Variants in RPL3L observed in about 807,000 individuals in gnomAD.
RPL3L encodes the protein ribosomal protein L3 like.
A neutral mutation model predicts 44.5 loss-of-function variants in RPL3L; 44 were observed. The observed-to-expected ratio is 0.99, with a 90% CI of 0.78 to 1.27. The LOEUF is 1.27. Among genes scored for constraint, RPL3L ranks in the 50% most tolerant of loss-of-function variants. RPL3L has a pLI of 0.00. For missense variants in RPL3L, 631 were observed against 569.1 expected (o/e 1.11, Z -1.11); for synonymous variants, 292 against 230.7 (o/e 1.27, Z -2.41).
At chr16:1,945,404 A>AG in intron 9 of RPL3L, 95 bp downstream of exon 9, 1 of 1,408,324 alleles carries the variant, frequency 7.1e-7, no homozygotes, top group Non-Finnish European at 9.5e-7. Context: ...AGTTGAGCTC[A>AG]GGGGAGTCCC....
rs2531335 is a variant in RPL3L at position 1,948,038 on chromosome 16, C to A, written c.502-658G>T. ...CTGCAAGCTCTGCCTCCCGGGTTCA[C>A]GCCATTCCCCTGCCTCAGCCTCCTG... On this transcript the variant is annotated intron_variant, in intron 4 of 9. Coordinates refer to ENST00000268661, the MANE Select transcript of RPL3L (RefSeq NM_005061.3). Among the ~76,000 whole-genome samples, 119 of 148,450 alleles carry A rather than the reference C, an allele frequency of 8.0e-4. No individual in the cohort carries two copies. In the Middle Eastern group the frequency reaches 0.023, roughly 28 times the overall value.
At chr16:1,950,249 G>T (rs2083163144) in intron 4 of RPL3L, among the ~76,000 whole-genome samples, 1 of 152,016 alleles carries the variant, frequency 6.6e-6, no homozygotes, top group Non-Finnish European at 1.5e-5. Context: ...CTTGGTGGCA[G>T]CTGTGGCCCC....
intron 9 of RPL3L, among the ~76,000 whole-genome samples, chr16:1,945,126 C>T (rs544139010): frequency 1.3e-5 from 2 of 152,014 alleles, no homozygotes; most frequent in African/African-American, 4.8e-5. Flanking sequence ...GAGGCCGAGG[C>T]GGTCGGATCA....
chr16:1,949,590 G>T, intron 4 of RPL3L, among the ~76,000 whole-genome samples: 1 of 144,532 alleles, frequency 6.9e-6, no homozygotes. Flanking sequence ...GTCTCTGGCT[G>T]GTGCTGTGTG....
Position 1,947,272 on chromosome 16 carries a change from G to A in RPL3L, c.610C>T (p.Gln204Ter), listed in dbSNP as rs1479833309. ...CTGAACACGCTGTGCACGGGCACCT[G>A]CTTCTCCAGCCGGGCCTGGGCCCAG... is the stretch of plus-strand genomic sequence containing the variant. The part of the protein sequence containing the change: ...VAWAQARLEK[Q>*]VPVHSVFSQS... Residue 204 changes from glutamine to a stop codon, truncating the protein, a stop_gained, in exon 5 of 10, where the codon CAG becomes TAG. Transcript: ENST00000268661. LOFTEE classifies it high-confidence loss of function. 3 of 1,613,396 alleles carry A rather than the reference G, an allele frequency of 1.9e-6. No individual in the cohort carries two copies. The highest frequency in any genetic ancestry group is 2.7e-5 in the African/African-American group (2 of 75,068).
At position 1,949,203 on chromosome 16, in the gene RPL3L, A is replaced by G. The variant is rs866817075; in HGVS notation, c.501+1641T>C. The stretch of plus-strand genomic sequence containing the variant: ...CCGGGCTGCCACCTTGTCCTCCCAC[A>G]GTGCTAGGATCACTGGTGTAAGCCA... On this transcript the variant is annotated intron_variant, in intron 4 of 9. Coordinates refer to ENST00000268661, the MANE Select transcript of RPL3L (RefSeq NM_005061.3). Among the ~76,000 whole-genome samples, 20 of 142,756 alleles carry G rather than the reference A, an allele frequency of 1.4e-4. No homozygotes were observed. In the South Asian group the frequency reaches 4.4e-3, roughly 31 times the overall value. 93.7% of individuals were successfully genotyped at this position (142,756 alleles called of 152,430 possible). A position where few individuals can be genotyped will look rare whatever the true frequency, so the allele number is the denominator to read the frequency against.
At chr16:1,945,012 C>T in intron 9 of RPL3L, 119 bp from the exon 10 acceptor site, 1 of 1,240,058 alleles carries the variant, frequency 8.1e-7, no homozygotes, top group Non-Finnish European at 1.2e-6. Flanking sequence ...GCTGCTTCCT[C>T]CCCCACCTTC....
chr16:1,949,829 C>T (rs561893314), intron 4 of RPL3L, among the ~76,000 whole-genome samples: 3 of 18,420 alleles, frequency 1.6e-4, no homozygotes, highest in Non-Finnish European at 2.3e-4. Flanking sequence ...ATGGACGGGG[C>T]AGGTATGGAC....
chr16:1,954,652 C>T lies in RPL3L; in HGVS notation c.-21G>A. 6.5e-7 allele frequency: 1 copy of T among 1,545,238 alleles called. No individual in the cohort carries two copies. On this transcript the variant is annotated 5_prime_UTR_variant, in exon 1 of 10. Coordinates refer to ENST00000268661, the MANE Select transcript of RPL3L (RefSeq NM_005061.3). ...ACCATGGTGGCCGATCCCTGAAGGTCAGGAAGGGGCCTCGCCGCTAGCCGC... is the reference window on the plus strand; with the variant it reads ...ACCATGGTGGCCGATCCCTGAAGGTTAGGAAGGGGCCTCGCCGCTAGCCGC...
chr16:1,949,259 CTTTTTT>C (rs58248501), intron 4 of RPL3L, among the ~76,000 whole-genome samples: 1 of 75,236 alleles, frequency 1.3e-5, no homozygotes, highest in African/African-American at 4.8e-5. Flanking sequence ...TTTTTTTTTT[CTTTTTT>C]TTTTTTTTTT....
In RPL3L at chr16:1,947,096, C is replaced by A. The variant is rs1157241329; in HGVS notation, c.691G>T (p.Val231Phe). ...AVTKGRGVKG[V>F]TSRWHTKKLP... ...TTCTTGGTATGCCAGCGGCTTGTGACCCCTGTGAGTGAGAGGGGCTGGTGG... is the reference window on the plus strand; with the variant it reads ...TTCTTGGTATGCCAGCGGCTTGTGAACCCTGTGAGTGAGAGGGGCTGGTGG... The change falls in exon 6 of 10, where the codon GTC becomes TTC. Residue 231 changes from valine (V) to phenylalanine (F), a missense_variant and splice_region_variant. Coordinates refer to ENST00000268661, the MANE Select transcript of RPL3L (RefSeq NM_005061.3). 2 of 1,613,412 alleles carry A rather than the reference C, an allele frequency of 1.2e-6. No homozygotes were observed. Among genetic ancestry groups the A allele is most frequent in the South Asian group, 1.1e-5 (1 of 91,090 alleles).
chr16:1,951,735 T>A (rs1354921179), intron 3 of RPL3L, among the ~76,000 whole-genome samples: 4 of 144,280 alleles, frequency 2.8e-5, no homozygotes, highest in African/African-American at 1.0e-4. Flanking sequence ...ACATTATTAT[T>A]ATTATTATTA....
intron 2 of RPL3L, 38 bp downstream of exon 2, chr16:1,953,918 G>GCCCTCC (rs765513550): frequency 3.4e-6 from 5 of 1,463,190 alleles, no homozygotes; most frequent in Non-Finnish European, 4.5e-6. Context: ...GGAAGGTTCA[G>GCCCTCC]CCCTCCCCCT....
chr16:1,946,784 T>C (rs1271676082), intron 6 of RPL3L, 58 bp from the exon 7 acceptor site: 35 of 1,597,904 alleles, frequency 2.2e-5, no homozygotes, highest in Non-Finnish European at 2.6e-5. Context: ...CAGCAGCCCA[T>C]CCAGGCCCAT....
At position 1,947,265 on chromosome 16, in the gene RPL3L, G is replaced by A. The variant is rs760362853; in HGVS notation, c.617C>T (p.Pro206Leu). 81 of 1,613,430 alleles carry A rather than the reference G, an allele frequency of 5.0e-5. 1 individual carries two copies. The highest frequency in any genetic ancestry group is 4.9e-4 in the Middle Eastern group (3 of 6,082). Residue 206 changes from proline to leucine, a missense_variant, in exon 5 of 10, where the codon CCC (proline) becomes CTC (leucine). Transcript: ENST00000268661. ...WAQARLEKQV[P>L]VHSVFSQSEV... ...ACTCTGGCTGAACACGCTGTGCACG[G>A]GCACCTGCTTCTCCAGCCGGGCCTG...
rs372534523 is a variant in RPL3L, at chr16:1,954,054, G to A, written c.98C>T (p.Pro33Leu). The change falls in exon 2 of 10, where the codon CCG (proline) becomes CTG (leucine). Residue 33 changes from proline to leucine, a missense_variant. Transcript: ENST00000268661. ...HRHRGKVKTW[P>L]RDDPSQPVHL... ...CACGGGCTGGCTGGGGTCATCCCGC[G>A]GCCACGTCTTCACCTTGCCCCGGTG... 236 of 1,606,904 alleles carry A rather than the reference G, an allele frequency of 1.5e-4. No homozygotes were observed. Among genetic ancestry groups the A allele is most frequent in the South Asian group, 3.1e-4 (28 of 89,764 alleles).
rs763590053 is a variant in RPL3L, at chr16:1,946,657, A to T, written c.919T>A (p.Tyr307Asn). The T allele has an allele frequency of 6.2e-7, 1 of 1,612,834 alleles. No individual in the cohort carries two copies. Among genetic ancestry groups the T allele is most frequent in the East Asian group, 2.2e-5 (1 of 44,884 alleles). The change falls in exon 7 of 10, where the codon TAC becomes AAC. Residue 307 changes from tyrosine (Y) to asparagine (N), a missense_variant. Tyr to Asn is a moderately radical substitution (Grantham distance 143). Transcript: ENST00000268661. ...KLVKNNASTS[Y>N]DVTAKSITPL... ...GTGATGGACTTGGCAGTCACGTCGTAGCTGGTGGATGCATTGTTCTTCACC... is the reference window on the plus strand; with the variant it reads ...GTGATGGACTTGGCAGTCACGTCGTTGCTGGTGGATGCATTGTTCTTCACC...
chr16:1,947,041 C>G lies in RPL3L; in HGVS notation c.746G>C (p.Arg249Pro), dbSNP rs149043671. Residue 249 changes from arginine (R) to proline (P), a missense_variant, in exon 6 of 10, where the codon CGC becomes CCC. Physicochemically the swap from Arg to Pro is moderately radical, Grantham distance 103. Transcript: ENST00000268661. ...KLPRKTHKGL[R>P]KVACIGAWHP... ...CCAGGCGCCAATGCAGGCCACCTTGCGCAGGCCCTTATGGGTCTTCCGCGG... is the reference window on the plus strand; with the variant it reads ...CCAGGCGCCAATGCAGGCCACCTTGGGCAGGCCCTTATGGGTCTTCCGCGG... The G allele has an allele frequency of 2.5e-6, 4 of 1,613,010 alleles. No individual in the cohort carries two copies. Among genetic ancestry groups the G allele is most frequent in the Non-Finnish European group, 2.5e-6 (3 of 1,179,944 alleles).
rs148725709 is a variant in RPL3L, at chr16:1,946,980, G to A, written c.807C>T (p.Ala269=). Residue 269 remains alanine (A), a synonymous_variant, in exon 6 of 10, where the codon GCC becomes GCT. Coordinates refer to ENST00000268661, the MANE Select transcript of RPL3L (RefSeq NM_005061.3). ...PARVGCSIAR[A]GQKGYHHRTE... The stretch of plus-strand genomic sequence containing the variant: ...TGCGGTGGTGATAGCCCTTCTGCCC[G>A]GCCCGAGCAATGGAGCAGCCCACGC... 111 of 1,609,882 alleles carry A rather than the reference G, an allele frequency of 6.9e-5. No individual in the cohort carries two copies. Among genetic ancestry groups the A allele is most frequent in the African/African-American group, 2.8e-4 (21 of 74,848 alleles).
Sources: allele counts gnomAD v4.1 joint callset (sites outside exome capture counted in the v4.1 genomes callset), GRCh38; gene constraint gnomAD v4.1.1; transcripts MANE v1.5; gene names NCBI Gene and HGNC (gene_info 2026-07-23, HGNC 2026-07-21).